The following CFAP184 variants were observed in gnomAD, a reference collection of about 807,000 sequenced individuals.
The protein encoded by CFAP184 is cilia- and flagella-associated protein 184.
chr4:7,041,989 TG>T, the CFAP184 span: 1 of 1,612,506 alleles, frequency 6.2e-7, no homozygotes, highest in Non-Finnish European at 8.5e-7. Context: ...GAGCTTCTCC[TG>T]GCACTGCCGC....
At chr4:7,042,275 G>A in the CFAP184 span, 3 of 1,591,450 alleles carry the variant, frequency 1.9e-6, no homozygotes, top group South Asian at 1.1e-5. Flanking sequence ...CGCAGCTGCT[G>A]CTCCTGCAGC....
At chr4:7,042,681 C>A in the CFAP184 span, 5 of 1,505,088 alleles carry the variant, frequency 3.3e-6, no homozygotes, top group Non-Finnish European at 4.4e-6. Context: ...GCCTCCCCGG[C>A]TCTCCAGGCC....
chr4:7,042,665 C>T, the CFAP184 span: 2 of 1,503,320 alleles, frequency 1.3e-6, no homozygotes, highest in Non-Finnish European at 1.8e-6. Context: ...GGCTGGGGCT[C>T]GGCCGGCCTC....
chr4:7,042,815 C>G, the CFAP184 span: 2 of 1,565,960 alleles, frequency 1.3e-6, no homozygotes, highest in Middle Eastern at 1.7e-4. Context: ...GACTCCAGCT[C>G]CCCGGGTTCG....
chr4:7,042,279 C>A, the CFAP184 span: 742 of 1,591,618 alleles, frequency 4.7e-4, 4 homozygotes, highest in East Asian at 0.013. Context: ...GCTGCTGCTC[C>A]TGCAGCTTCT....
chr4:7,041,673 A>C, the CFAP184 span: 6 of 1,614,118 alleles, frequency 3.7e-6, no homozygotes, highest in Non-Finnish European at 4.2e-6. Flanking sequence ...TTCGTTCCTC[A>C]ATTTTCTCAT....
the CFAP184 span, chr4:7,041,299 C>T: frequency 6.2e-7 from 1 of 1,606,448 alleles, no homozygotes; most frequent in Non-Finnish European, 8.5e-7. Context: ...TTTGGCCTCC[C>T]TGATCTTCTG....
At chr4:7,041,160 A>T in the CFAP184 span, 1 of 1,447,178 alleles carries the variant, frequency 6.9e-7, no homozygotes, top group Non-Finnish European at 9.1e-7. Flanking sequence ...AATACAAAAT[A>T]GAGTCCCGTC....
At chr4:7,041,450 G>A in the CFAP184 span, 12 of 1,614,224 alleles carry the variant, frequency 7.4e-6, no homozygotes, top group African/African-American at 1.6e-4. Flanking sequence ...CCGCACTTCT[G>A]ATTCAGTCTG....
the CFAP184 span, chr4:7,042,241 C>A: frequency 6.3e-7 from 1 of 1,598,260 alleles, no homozygotes; most frequent in African/African-American, 1.3e-5. Flanking sequence ...CAGCAGGGAA[C>A]GGTACTGGTC....
chr4:7,042,122 C>T, the CFAP184 span: 1 of 1,606,772 alleles, frequency 6.2e-7, no homozygotes. Context: ...TCGGCCTCTG[C>T]GCCCCGGTCA....
At chr4:7,041,506 A>G in the CFAP184 span, 1 of 1,614,238 alleles carries the variant, frequency 6.2e-7, no homozygotes. Flanking sequence ...CGTCTTGGTC[A>G]GGATGTCTCT....
chr4:7,042,690 C>T, the CFAP184 span: 3 of 1,509,856 alleles, frequency 2.0e-6, no homozygotes, highest in Non-Finnish European at 2.6e-6. Context: ...GCTCTCCAGG[C>T]CCCTCCTCGC....
the CFAP184 span, chr4:7,042,949 C>T: frequency 3.5e-6 from 5 of 1,418,932 alleles, no homozygotes; most frequent in Non-Finnish European, 3.7e-6. Context: ...CTCCTCCCGG[C>T]TCGGCCAGCG....
At chr4:7,041,887 C>T in the CFAP184 span, 3 of 1,611,222 alleles carry the variant, frequency 1.9e-6, no homozygotes, top group South Asian at 3.3e-5. Flanking sequence ...AGCAGCCTGG[C>T]GCCCGCCCCT....
the CFAP184 span, chr4:7,042,280 T>G: frequency 6.3e-7 from 1 of 1,591,686 alleles, no homozygotes; most frequent in South Asian, 1.1e-5. Context: ...CTGCTGCTCC[T>G]GCAGCTTCTG....
the CFAP184 span, chr4:7,042,544 G>T: frequency 6.3e-7 from 1 of 1,586,408 alleles, no homozygotes; most frequent in Non-Finnish European, 8.6e-7. Context: ...CCCCTCTGCC[G>T]CCTGCTCCAG....
the CFAP184 span, chr4:7,042,043 G>A: frequency 1.2e-6 from 2 of 1,611,304 alleles, 1 homozygote; most frequent in South Asian, 2.2e-5. Flanking sequence ...CAGGTCGTCT[G>A]CCTGCTGCTT....
the CFAP184 span, chr4:7,042,228 C>T: frequency 1.3e-6 from 2 of 1,598,664 alleles, no homozygotes; most frequent in African/African-American, 2.7e-5. Context: ...GGTTCCGCTC[C>T]ACCAGCAGGG....
Sources: gnomAD v4.1 joint callset for allele counts on GRCh38, gnomAD v4.1.1 for gene constraint, MANE v1.5 for transcripts, NCBI Gene and HGNC (gene_info 2026-07-23, HGNC 2026-07-21) for gene names.